KCNH5: variants seen among roughly 807,000 people sequenced by gnomAD.
KCNH5 encodes potassium voltage-gated channel subfamily H member 5.
Under a neutral mutation model 96.1 loss-of-function variants are expected in KCNH5, and 46 were observed. That is an observed-to-expected ratio of 0.48 (90% CI 0.38 to 0.61). The LOEUF is 0.61. Among genes scored for constraint, KCNH5 ranks in the 20% least tolerant of loss-of-function variants. KCNH5 has a pLI of 0.00. For missense variants in KCNH5, 907 were observed against 1,225.8 expected (o/e 0.74, Z 3.88); for synonymous variants, 439 against 449.8 (o/e 0.98, Z 0.30).
chr14:62,876,192 T>C (rs1888369121), intron 7 of KCNH5, among the ~76,000 whole-genome samples: 3 of 152,106 alleles, frequency 2.0e-5, no homozygotes, highest in Non-Finnish European at 1.5e-5. Flanking sequence ...GAAAACTAGA[T>C]GTTGATGGAA....
At chr14:62,910,648 G>T (rs187942387) in intron 7 of KCNH5, among the ~76,000 whole-genome samples, 1 of 152,164 alleles carries the variant, frequency 6.6e-6, no homozygotes, top group East Asian at 1.9e-4. Context: ...ATCTAACAAG[G>T]AATATTCAAG....
At chr14:62,759,205 T>A (rs1424591679) in intron 10 of KCNH5, among the ~76,000 whole-genome samples, 1 of 149,710 alleles carries the variant, frequency 6.7e-6, no homozygotes, top group African/African-American at 2.5e-5. Flanking sequence ...AGATATTAAA[T>A]CTATCTCTGG....
At chr14:62,861,216 G>A (rs1188856714) in intron 7 of KCNH5, among the ~76,000 whole-genome samples, 1 of 152,000 alleles carries the variant, frequency 6.6e-6, no homozygotes, top group Non-Finnish European at 1.5e-5. Flanking sequence ...TAGTAGGACT[G>A]ACTTATTTTG....
At chr14:62,897,762 C>A (rs576195894) in intron 7 of KCNH5, among the ~76,000 whole-genome samples, 120 of 152,154 alleles carry the variant, frequency 7.9e-4, no homozygotes, top group Non-Finnish European at 1.1e-3. Context: ...CCATTTTTCA[C>A]GTAGTTACAA....
intron 8 of KCNH5, among the ~76,000 whole-genome samples, chr14:62,808,675 T>C (rs1478149433): frequency 2.0e-5 from 3 of 152,144 alleles, no homozygotes; most frequent in Non-Finnish European, 4.4e-5. Flanking sequence ...GTTACTGGTA[T>C]ATGTTCCAAA....
intron 5 of KCNH5, among the ~76,000 whole-genome samples, chr14:62,983,424 G>A (rs928621928): frequency 6.7e-6 from 1 of 148,848 alleles, no homozygotes; most frequent in East Asian, 2.0e-4. Context: ...ATATACATAT[G>A]TGTGTGTGTG....
chr14:62,964,107 C>A (rs1177792397), intron 6 of KCNH5, among the ~76,000 whole-genome samples: 1 of 152,024 alleles, frequency 6.6e-6, no homozygotes, highest in Non-Finnish European at 1.5e-5. Flanking sequence ...CCTCACTTCC[C>A]TATACTTTGG....
chr14:62,862,010 T>C (rs567216775), intron 7 of KCNH5, among the ~76,000 whole-genome samples: 1 of 152,330 alleles, frequency 6.6e-6, no homozygotes, highest in South Asian at 2.1e-4. Flanking sequence ...TCTCTGTTTA[T>C]TTTGTACTAG....
chr14:62,733,095 G>A (rs1028697376), intron 10 of KCNH5, among the ~76,000 whole-genome samples: 2 of 152,026 alleles, frequency 1.3e-5, no homozygotes, highest in Non-Finnish European at 2.9e-5. Context: ...AAGTAAGCCT[G>A]TTTTTTAGCC....
chr14:62,999,293 T>C (rs951151981), intron 4 of KCNH5, among the ~76,000 whole-genome samples: 18 of 152,364 alleles, frequency 1.2e-4, no homozygotes, highest in Non-Finnish European at 1.9e-4. Flanking sequence ...CCAATGATGA[T>C]GAGCATGTTT....
intron 7 of KCNH5, among the ~76,000 whole-genome samples, chr14:62,857,727 C>A (rs1471338747): frequency 6.6e-6 from 1 of 152,062 alleles, no homozygotes; most frequent in African/African-American, 2.4e-5. Flanking sequence ...TGGTGCCCAC[C>A]CAGATTATGG....
chr14:62,943,916 C>A (rs985532791), intron 7 of KCNH5, among the ~76,000 whole-genome samples: 2 of 152,096 alleles, frequency 1.3e-5, no homozygotes, highest in Non-Finnish European at 2.9e-5. Flanking sequence ...CCATGTTGGG[C>A]AAATATAGGA....
intron 6 of KCNH5, among the ~76,000 whole-genome samples, chr14:62,964,424 C>A (rs1366363050): frequency 6.6e-6 from 1 of 151,948 alleles, no homozygotes; most frequent in Non-Finnish European, 1.5e-5. Flanking sequence ...TCCTATTGCC[C>A]CTGTATTATT....
chr14:62,825,634 G>A (rs1887207240), intron 8 of KCNH5, among the ~76,000 whole-genome samples: 1 of 151,982 alleles, frequency 6.6e-6, no homozygotes. Context: ...CACATCCATA[G>A]GTGATTAACA....
intron 4 of KCNH5, among the ~76,000 whole-genome samples, chr14:62,994,731 C>T (rs117317579): frequency 0.017 from 2,515 of 151,928 alleles, 26 homozygotes; most frequent in Non-Finnish European, 0.02. Context: ...AAGGACGGGG[C>T]AGCATGGGTG....
At chr14:63,003,518 ATATATTTTATATATAT>A (rs1265660140) in intron 3 of KCNH5, among the ~76,000 whole-genome samples, 2 of 113,678 alleles carry the variant, frequency 1.8e-5, no homozygotes, top group East Asian at 2.6e-4. Context: ...TATATATTTT[ATATATTTTATATATAT>A]TATATATTAT....
At chr14:62,771,509 C>T (rs955937978) in intron 10 of KCNH5, among the ~76,000 whole-genome samples, 1 of 152,038 alleles carries the variant, frequency 6.6e-6, no homozygotes, top group African/African-American at 2.4e-5. Flanking sequence ...CCTGTAGTCC[C>T]AGCTACTCGG....
chr14:62,760,307 T>C (rs1885719574), intron 10 of KCNH5, among the ~76,000 whole-genome samples: 1 of 152,214 alleles, frequency 6.6e-6, no homozygotes, highest in South Asian at 2.1e-4. Flanking sequence ...ATATTACCCA[T>C]GTAATGCTCT....
chr14:62,978,821 T>C (rs1245742507), intron 6 of KCNH5, among the ~76,000 whole-genome samples: 1 of 152,208 alleles, frequency 6.6e-6, no homozygotes, highest in African/African-American at 2.4e-5. Flanking sequence ...ATTTACTATG[T>C]ACAACATGAC....
Sources: allele counts gnomAD v4.1 joint callset (sites outside exome capture counted in the v4.1 genomes callset), GRCh38; gene constraint gnomAD v4.1.1; transcripts MANE v1.5; gene names NCBI Gene and HGNC (gene_info 2026-07-23, HGNC 2026-07-21).